Variants in THSD7B observed in about 807,000 individuals in gnomAD.
THSD7B encodes thrombospondin type 1 domain containing 7B.
In THSD7B, 138 loss-of-function variants were observed where a neutral mutation model predicts 213.6. The observed-to-expected ratio is 0.65, with a 90% CI of 0.56 to 0.74. THSD7B has a LOEUF of 0.74. Ranked by LOEUF, THSD7B falls within the 30% of genes least tolerant of loss-of-function variation. The pLI is 0.00. For missense variants in THSD7B, 1,931 were observed against 1,991.5 expected (o/e 0.97, Z 0.58); for synonymous variants, 742 against 687.0 (o/e 1.08, Z -1.25).
At chr2:137,120,328 G>A (rs1381235317) in intron 5 of THSD7B, among the ~76,000 whole-genome samples, 2 of 152,026 alleles carry the variant, frequency 1.3e-5, no homozygotes, top group Non-Finnish European at 2.9e-5. Context: ...GACAGGTGGT[G>A]ATGAAAAGGT....
At chr2:136,970,664 A>G (rs1685390432) in intron 2 of THSD7B, among the ~76,000 whole-genome samples, 1 of 152,164 alleles carries the variant, frequency 6.6e-6, no homozygotes, top group Non-Finnish European at 1.5e-5. Flanking sequence ...GAATTGCCAC[A>G]CATCAGTAAC....
intron 15 of THSD7B, among the ~76,000 whole-genome samples, chr2:137,555,001 C>T (rs922531411): frequency 2.6e-5 from 4 of 152,134 alleles, no homozygotes; most frequent in South Asian, 2.1e-4. Context: ...GAGGGAGGGG[C>T]GCCCACCATT....
chr2:136,809,717 A>C (rs1682346414), intron 1 of THSD7B, among the ~76,000 whole-genome samples: 1 of 152,162 alleles, frequency 6.6e-6, no homozygotes, highest in Admixed American at 6.5e-5. Flanking sequence ...AAAATTTTTA[A>C]GGCTCTTGCA....
intron 2 of THSD7B, among the ~76,000 whole-genome samples, chr2:136,961,290 G>A (rs1251099445): frequency 1.4e-5 from 2 of 143,360 alleles, no homozygotes; most frequent in Non-Finnish European, 1.5e-5. Context: ...GCGTGATCTC[G>A]GCTCACTGCA....
At chr2:137,218,774 T>C (rs140083098) in intron 7 of THSD7B, among the ~76,000 whole-genome samples, 37 of 152,254 alleles carry the variant, frequency 2.4e-4, no homozygotes, top group African/African-American at 7.0e-4. Flanking sequence ...CATTCTGTTT[T>C]TCTGATTGTT....
intron 20 of THSD7B, among the ~76,000 whole-genome samples, chr2:137,634,951 A>G (rs1423748894): frequency 1.3e-5 from 2 of 152,040 alleles, no homozygotes; most frequent in Non-Finnish European, 2.9e-5. Flanking sequence ...CAACCTGTAT[A>G]CCACCTCACT....
At chr2:137,042,947 A>C (rs539903848) in intron 2 of THSD7B, among the ~76,000 whole-genome samples, 1 of 152,334 alleles carries the variant, frequency 6.6e-6, no homozygotes, top group African/African-American at 2.4e-5. Flanking sequence ...AAAAGAGTTG[A>C]CACAGGCTGC....
intron 12 of THSD7B, among the ~76,000 whole-genome samples, chr2:137,295,891 C>A (rs1289703427): frequency 6.6e-6 from 1 of 152,120 alleles, no homozygotes; most frequent in African/African-American, 2.4e-5. Context: ...TATCTTCTGT[C>A]AGATCAGATA....
chr2:137,309,454 T>C (rs1219450013), intron 12 of THSD7B, among the ~76,000 whole-genome samples: 5 of 151,470 alleles, frequency 3.3e-5, no homozygotes, highest in African/African-American at 1.2e-4. Context: ...TTATTTGTTT[T>C]TTAAAAATTA....
At chr2:137,356,967 GACACACACACACACAC>G (rs3048465) in intron 12 of THSD7B, among the ~76,000 whole-genome samples, 58 of 140,978 alleles carry the variant, frequency 4.1e-4, no homozygotes, top group South Asian at 7.0e-4. Context: ...CACACACACA[GACACACACACACACAC>G]ACACACACAC....
intron 17 of THSD7B, among the ~76,000 whole-genome samples, chr2:137,585,390 T>A (rs188594549): frequency 6.6e-6 from 1 of 152,186 alleles, no homozygotes; most frequent in Admixed American, 6.5e-5. Flanking sequence ...AGCTTTTGAA[T>A]GTGTTTGCTG....
intron 15 of THSD7B, among the ~76,000 whole-genome samples, chr2:137,554,043 A>G (rs1275604195): frequency 5.5e-5 from 8 of 144,354 alleles, no homozygotes; most frequent in South Asian, 2.2e-4. Flanking sequence ...TTTTTTTTTC[A>G]GCAAGAAAAT....
At chr2:136,863,530 A>G (rs1006587878) in intron 1 of THSD7B, among the ~76,000 whole-genome samples, 3 of 152,316 alleles carry the variant, frequency 2.0e-5, no homozygotes, top group African/African-American at 7.2e-5. Flanking sequence ...TTGCACCAGA[A>G]ATTAATCTAC....
At chr2:136,838,894 T>C (rs1302519637) in intron 1 of THSD7B, among the ~76,000 whole-genome samples, 1 of 152,234 alleles carries the variant, frequency 6.6e-6, no homozygotes, top group African/African-American at 2.4e-5. Context: ...TGCCTTGCTC[T>C]GTGAGCATGG....
At chr2:137,283,841 G>C (rs1220381637) in intron 12 of THSD7B, among the ~76,000 whole-genome samples, 1 of 152,126 alleles carries the variant, frequency 6.6e-6, no homozygotes, top group Non-Finnish European at 1.5e-5. Context: ...GTTCATCAAG[G>C]ATATTGGTCT....
At chr2:137,411,905 A>T (rs1404312526) in intron 14 of THSD7B, 33 bp downstream of exon 14, 1 of 1,607,620 alleles carries the variant, frequency 6.2e-7, no homozygotes, top group Non-Finnish European at 8.5e-7. Flanking sequence ...ACAGATGAGA[A>T]CACTCACACA....
At chr2:137,353,121 T>C (rs144782257) in intron 12 of THSD7B, among the ~76,000 whole-genome samples, 116 of 152,180 alleles carry the variant, frequency 7.6e-4, no homozygotes, top group East Asian at 5.6e-3. Context: ...CAGTGACTAA[T>C]TGATTCAGTC....
At chr2:137,498,004 C>T (rs1367753704) in intron 15 of THSD7B, among the ~76,000 whole-genome samples, 1 of 152,170 alleles carries the variant, frequency 6.6e-6, no homozygotes, top group African/African-American at 2.4e-5. Flanking sequence ...GGACACTAAA[C>T]ACTATACAAG....
rs1259713947 is a variant in THSD7B, at chr2:137,396,736, G to A, written c.2501-8877G>A. Among the ~76,000 whole-genome samples, 93 of 147,364 alleles carry A rather than the reference G, an allele frequency of 6.3e-4. 1 individual carries two copies. The highest frequency in any genetic ancestry group is 2.4e-3 in the Admixed American group (35 of 14,782). ...GGTATCCTTGTTGACTTTCTGTCTCGTTGATCTGTCTAATGTTGACAGTGG... is the reference window on the plus strand; with the variant it reads ...GGTATCCTTGTTGACTTTCTGTCTCATTGATCTGTCTAATGTTGACAGTGG... On this transcript the variant is annotated intron_variant, in intron 12 of 27. Transcript: ENST00000409968.
Sources: allele counts gnomAD v4.1 joint callset (sites outside exome capture counted in the v4.1 genomes callset), GRCh38; gene constraint gnomAD v4.1.1; transcripts MANE v1.5; gene names NCBI Gene and HGNC (gene_info 2026-07-23, HGNC 2026-07-21).